Variants in AGAP3 observed in about 807,000 individuals in gnomAD.
AGAP3 encodes the protein ArfGAP with GTPase domain, ankyrin repeat and PH domain 3, also known as arf-GAP with GTPase, ANK repeat and PH domain-containing protein 3.
In AGAP3, 24 loss-of-function variants were observed where a neutral mutation model predicts 96.9. The observed-to-expected ratio is 0.25, with a 90% confidence interval of 0.18 to 0.35. The LOEUF (loss-of-function observed/expected upper bound fraction) is 0.35, where lower values mean the gene tolerates loss of function less well. Among genes scored for constraint, AGAP3 ranks in the 10% least tolerant of loss-of-function variants. The probability of loss-of-function intolerance (pLI) is 1.00; values close to 1 mark genes in which losing one functional copy is unlikely to be tolerated. For missense variants in AGAP3, 876 were observed against 1,254.2 expected (o/e 0.70, Z 4.55); for synonymous variants, 563 against 536.1 (o/e 1.05, Z -0.69).
At chr7:151,115,803 G>T (rs902580498) in intron 1 of AGAP3, among the ~76,000 whole-genome samples, 1 of 152,182 alleles carries the variant, frequency 6.6e-6, no homozygotes, top group East Asian at 1.9e-4. Context: ...TTCGGCAGTG[G>T]CCGAGGAGGA....
At chr7:151,115,328 C>G (rs1270273856) in intron 1 of AGAP3, 3 of 1,013,228 alleles carry the variant, frequency 3.0e-6, no homozygotes, top group Admixed American at 6.0e-5. Context: ...TGGCGGCGCT[C>G]AGGAAGAGCT....
chr7:151,104,151 A>G (rs4725991), intron 1 of AGAP3, among the ~76,000 whole-genome samples: 18,205 of 152,198 alleles, frequency 0.12, 2,267 homozygotes, highest in African/African-American at 0.31. Flanking sequence ...GCGTCCATCA[A>G]TGATCTTTGC....
intron 8 of AGAP3, 136 bp from the exon 9 acceptor site, chr7:151,123,658 C>T (rs548538119): frequency 7.3e-6 from 11 of 1,516,340 alleles, no homozygotes; most frequent in East Asian, 2.4e-5. Context: ...AGTTCCTTCC[C>T]GTCCCGCCGC....
At chr7:151,123,590 G>A (rs1305755129) in intron 8 of AGAP3, 2 of 1,422,504 alleles carry the variant, frequency 1.4e-6, no homozygotes, top group Non-Finnish European at 1.8e-6. Context: ...TCAGTGACCT[G>A]TGCTGCTCTG....
chr7:151,137,787 A>T, intron 11 of AGAP3: 1 of 332,356 alleles, frequency 3.0e-6, no homozygotes, highest in Non-Finnish European at 5.5e-6. Flanking sequence ...TGGAGGGTGC[A>T]GGGGCCCAAG....
chr7:151,107,099 C>T (rs1221726907), intron 1 of AGAP3, among the ~76,000 whole-genome samples: 3 of 152,120 alleles, frequency 2.0e-5, no homozygotes, highest in Non-Finnish European at 2.9e-5. Flanking sequence ...CACCTGAGGT[C>T]AGGAGCTCGA....
chr7:151,110,478 A>G (rs1298699628), intron 1 of AGAP3, among the ~76,000 whole-genome samples: 3 of 151,616 alleles, frequency 2.0e-5, no homozygotes, highest in Non-Finnish European at 4.4e-5. Context: ...GTGTCAGGTG[A>G]GAGCAAGCAG....
chr7:151,100,155 TG>T (rs1798780121), intron 1 of AGAP3, among the ~76,000 whole-genome samples: 1 of 152,210 alleles, frequency 6.6e-6, no homozygotes, highest in Non-Finnish European at 1.5e-5. Flanking sequence ...GCGTCTCAGA[TG>T]GGGTGTCCTG....
At position 151,096,263 on chromosome 7, in the gene AGAP3, G is replaced by C. The variant is rs1351331681; in HGVS notation, c.331+9191G>C. Among the ~76,000 whole-genome samples the C allele has an allele frequency of 1.3e-5, 2 of 152,188 alleles. No homozygotes were observed. The highest frequency in any genetic ancestry group is 1.3e-4 in the Admixed American group (2 of 15,282). On this transcript the variant is annotated intron_variant, in intron 1 of 17. Coordinates refer to ENST00000397238, the MANE Select transcript of AGAP3 (RefSeq NM_031946.7). The surrounding 1 kb of genome is among the most constrained non-coding windows in gnomAD (Gnocchi z 4.4). ...CAGGAATGACCATTTCCGGACCCGA[G>C]CCTGAGAGCCCAGGTGGCAGAGTGT...
intron 9 of AGAP3, 86 bp downstream of exon 9, chr7:151,123,972 G>A: frequency 7.4e-7 from 1 of 1,355,218 alleles, no homozygotes; most frequent in South Asian, 1.2e-5. Flanking sequence ...TCAGGCCTCT[G>A]TGATGGGGGA....
chr7:151,089,519 G>A (rs1329729966), intron 1 of AGAP3, among the ~76,000 whole-genome samples: 3 of 152,192 alleles, frequency 2.0e-5, no homozygotes, highest in Non-Finnish European at 4.4e-5. Flanking sequence ...CTTCGGTGAA[G>A]GGTTTGTTTG....
rs150045515 is a variant in AGAP3 at position 151,097,424 on chromosome 7, C to T, written c.331+10352C>T. On this transcript the variant is annotated intron_variant, in intron 1 of 17. Coordinates refer to ENST00000397238, the MANE Select transcript of AGAP3 (RefSeq NM_031946.7). ...GTGGGCACCTGTAATTCCAGATACTCAGGAGGCTGGGGCAGGAGAATCACT... is the reference window on the plus strand; with the variant it reads ...GTGGGCACCTGTAATTCCAGATACTTAGGAGGCTGGGGCAGGAGAATCACT... Among the ~76,000 whole-genome samples the T allele has an allele frequency of 2.6e-3, 383 of 148,886 alleles. 1 individual carries two copies. The highest frequency in any genetic ancestry group is 4.5e-3 in the Non-Finnish European group (306 of 67,638).
intron 9 of AGAP3, among the ~76,000 whole-genome samples, chr7:151,124,786 G>C (rs1225913382): frequency 6.6e-6 from 1 of 152,140 alleles, no homozygotes; most frequent in Non-Finnish European, 1.5e-5. Context: ...TTAAGGCTAG[G>C]GGTTTCTGAC....
intron 1 of AGAP3, among the ~76,000 whole-genome samples, chr7:151,099,490 G>A (rs1798751290): frequency 6.6e-6 from 1 of 152,206 alleles, no homozygotes; most frequent in Non-Finnish European, 1.5e-5. Flanking sequence ...TTTTGTCCCT[G>A]TGTGTTTTCT....
intron 1 of AGAP3, among the ~76,000 whole-genome samples, chr7:151,090,714 CG>C (rs1315714086): frequency 1.3e-5 from 2 of 152,076 alleles, no homozygotes; most frequent in African/African-American, 4.8e-5. Context: ...GAGACCAAGG[CG>C]GGCGGATCAC....
chr7:151,114,798 A>T lies in AGAP3; in HGVS notation c.332-1995A>T. The T allele has an allele frequency of 9.5e-7, 1 of 1,047,704 alleles. No homozygotes were observed. 64.9% of individuals were successfully genotyped at this position (1,047,704 alleles called of 1,614,324 possible). ...GGAGCGGGGCTGGCCGCAGGGGGAC[A>T]GCTGTCCCGGGGAGCGGCCCGCCGC... On this transcript the variant is annotated intron_variant, in intron 1 of 17. Coordinates refer to ENST00000397238, the MANE Select transcript of AGAP3 (RefSeq NM_031946.7). This position sits in a 1 kb window ranked among gnomAD's most constrained non-coding sequence, Gnocchi z 4.4.
chr7:151,124,375 G>A (rs1800069601), intron 9 of AGAP3, among the ~76,000 whole-genome samples: 2 of 152,208 alleles, frequency 1.3e-5, no homozygotes, highest in African/African-American at 4.8e-5. Flanking sequence ...AGTCAGTCCT[G>A]GGGGCCCTGG....
At chr7:151,099,049 A>G (rs1489177891) in intron 1 of AGAP3, among the ~76,000 whole-genome samples, 3 of 151,962 alleles carry the variant, frequency 2.0e-5, no homozygotes, top group Admixed American at 2.0e-4. Context: ...AAAAGATTAT[A>G]TTAAAAATTC....
At chr7:151,120,901 C>T in intron 8 of AGAP3, 1 of 1,049,230 alleles carries the variant, frequency 9.5e-7, no homozygotes, top group Admixed American at 4.9e-5. Context: ...CACACAGTGC[C>T]CATCCAAACC....
Sources: allele counts gnomAD v4.1 joint callset (sites outside exome capture counted in the v4.1 genomes callset), GRCh38; gene constraint gnomAD v4.1.1; non-coding constraint Gnocchi (gnomAD v3.1); transcripts MANE v1.5; gene names NCBI Gene and HGNC (gene_info 2026-07-23, HGNC 2026-07-21).